CCSER1: variants seen among roughly 807,000 people sequenced by gnomAD.
CCSER1 encodes serine-rich coiled-coil domain-containing protein 1.
In CCSER1, 41 loss-of-function variants were observed where a neutral mutation model predicts 82.0. The observed-to-expected ratio is 0.50, with a 90% CI of 0.39 to 0.65. CCSER1 has a LOEUF of 0.65. Ranked by LOEUF, CCSER1 falls within the 30% of genes least tolerant of loss-of-function variation. The pLI, the probability that CCSER1 is intolerant of heterozygous loss-of-function variation, is 0.00. For missense variants in CCSER1, 1,119 were observed against 1,064.2 expected (o/e 1.05, Z -0.72); for synonymous variants, 414 against 383.9 (o/e 1.08, Z -0.92).
intron 10 of CCSER1, among the ~76,000 whole-genome samples, chr4:91,270,542 C>A (rs1741944381): frequency 6.6e-6 from 1 of 151,996 alleles, no homozygotes; most frequent in Non-Finnish European, 1.5e-5. Context: ...TATTACAGGT[C>A]TAATTTACAG....
intron 7 of CCSER1, among the ~76,000 whole-genome samples, chr4:90,804,885 T>C (rs1039473674): frequency 1.3e-5 from 2 of 152,176 alleles, no homozygotes; most frequent in Admixed American, 6.5e-5. Context: ...TTTATCCGTA[T>C]TTCAGATTCT....
intron 10 of CCSER1, among the ~76,000 whole-genome samples, chr4:91,360,488 A>G (rs540870758): frequency 3.9e-5 from 6 of 151,990 alleles, no homozygotes; most frequent in African/African-American, 1.4e-4. Context: ...GCATCCATTC[A>G]TGTTTAATGA....
intron 10 of CCSER1, among the ~76,000 whole-genome samples, chr4:91,390,653 T>G (rs2149349152): frequency 6.6e-6 from 1 of 152,078 alleles, no homozygotes; most frequent in African/African-American, 2.4e-5. Context: ...TGTAGAGAAT[T>G]TGTATAATTT....
chr4:90,476,601 G>A (rs184659283), intron 5 of CCSER1, among the ~76,000 whole-genome samples: 57 of 151,712 alleles, frequency 3.8e-4, no homozygotes, highest in African/African-American at 1.4e-3. Context: ...CTCATTATTC[G>A]CTGGTTTATA....
intron 10 of CCSER1, among the ~76,000 whole-genome samples, chr4:91,560,830 A>G (rs1762621637): frequency 6.6e-6 from 1 of 151,318 alleles, no homozygotes; most frequent in African/African-American, 2.4e-5. Flanking sequence ...CGTGATACCT[A>G]ATTATAAAGA....
At chr4:90,273,279 T>C (rs1419806066) in intron 1 of CCSER1, among the ~76,000 whole-genome samples, 1 of 152,016 alleles carries the variant, frequency 6.6e-6, no homozygotes, top group African/African-American at 2.4e-5. Flanking sequence ...GTAGAATGAA[T>C]GAATGAGATC....
At chr4:90,602,339 T>C (rs1336466118) in intron 5 of CCSER1, among the ~76,000 whole-genome samples, 6 of 152,318 alleles carry the variant, frequency 3.9e-5, no homozygotes, top group African/African-American at 1.4e-4. Context: ...TCTTTTTATG[T>C]AGTTAATGTT....
chr4:91,586,479 G>A (rs926346886), intron 10 of CCSER1, among the ~76,000 whole-genome samples: 3 of 151,566 alleles, frequency 2.0e-5, no homozygotes, highest in African/African-American at 4.8e-5. Context: ...AAACAGGAGA[G>A]GCACCAGGAG....
rs139037096 is a variant in CCSER1, at chr4:90,470,314, C to T, written c.1724+1960C>T. On this transcript the variant is annotated intron_variant, in intron 5 of 10. Coordinates refer to ENST00000509176, the MANE Select transcript of CCSER1 (RefSeq NM_001145065.2). ...TCTTCAGTTGTAATCTTAATGATGCCATCTATCAAATGGAAATTGTTTATG... is the reference window on the plus strand; with the variant it reads ...TCTTCAGTTGTAATCTTAATGATGCTATCTATCAAATGGAAATTGTTTATG... 6.1e-3 allele frequency among the ~76,000 whole-genome samples: 930 copies of T among 152,042 alleles called. 11 individuals carry two copies. The highest frequency in any genetic ancestry group is 0.022 in the African/African-American group (902 of 41,472).
At chr4:91,379,351 G>A (rs1160473611) in intron 10 of CCSER1, among the ~76,000 whole-genome samples, 1 of 152,122 alleles carries the variant, frequency 6.6e-6, no homozygotes, top group African/African-American at 2.4e-5. Context: ...TGTACCTCTG[G>A]TAGAATTCGG....
chr4:91,416,576 C>T (rs1368454644), intron 10 of CCSER1, among the ~76,000 whole-genome samples: 1 of 152,118 alleles, frequency 6.6e-6, no homozygotes, highest in Non-Finnish European at 1.5e-5. Context: ...TTATCTTCGA[C>T]AAACCTGACA....
chr4:90,816,838 T>A (rs967243728), intron 8 of CCSER1, among the ~76,000 whole-genome samples: 1 of 152,128 alleles, frequency 6.6e-6, no homozygotes, highest in Non-Finnish European at 1.5e-5. Flanking sequence ...TAGTGAGATA[T>A]TGGAGAAATT....
At chr4:90,703,001 T>C (rs1738485844) in intron 6 of CCSER1, among the ~76,000 whole-genome samples, 1 of 152,202 alleles carries the variant, frequency 6.6e-6, no homozygotes, top group African/African-American at 2.4e-5. Flanking sequence ...TAGTTATTTC[T>C]TGCCTTCTGC....
chr4:91,496,615 CACG>C (rs1371324601), intron 10 of CCSER1, among the ~76,000 whole-genome samples: 507 of 12,516 alleles, frequency 0.041, 120 homozygotes, highest in East Asian at 0.4. Flanking sequence ...TATATATATA[CACG>C]AATATATATT....
At chr4:91,087,807 C>T (rs748751140) in intron 10 of CCSER1, among the ~76,000 whole-genome samples, 1 of 152,106 alleles carries the variant, frequency 6.6e-6, no homozygotes, top group African/African-American at 2.4e-5. Flanking sequence ...CTTAGGGCAG[C>T]ACTGGGTTAC....
intron 10 of CCSER1, among the ~76,000 whole-genome samples, chr4:91,151,123 A>C (rs562927204): frequency 1.4e-4 from 22 of 152,092 alleles, no homozygotes; most frequent in Non-Finnish European, 2.1e-4. Context: ...TTGGTAGGCT[A>C]TTAATTATTG....
intron 5 of CCSER1, among the ~76,000 whole-genome samples, chr4:90,472,800 A>G (rs1764569424): frequency 6.6e-6 from 1 of 152,174 alleles, no homozygotes; most frequent in South Asian, 2.1e-4. Context: ...TCACAATAGC[A>G]GAGTCATGAA....
intron 1 of CCSER1, among the ~76,000 whole-genome samples, chr4:90,255,010 C>T (rs979854403): frequency 8.7e-5 from 13 of 150,234 alleles, no homozygotes; most frequent in African/African-American, 2.2e-4. Flanking sequence ...CACACACACA[C>T]GCACACTTTA....
intron 3 of CCSER1, among the ~76,000 whole-genome samples, chr4:90,342,728 C>T (rs1470472390): frequency 6.6e-6 from 1 of 152,088 alleles, no homozygotes; most frequent in Non-Finnish European, 1.5e-5. Flanking sequence ...ATGAAGTTTT[C>T]CATACTCCAG....
Sources: gnomAD v4.1 joint callset for allele counts (sites outside exome capture counted in the v4.1 genomes callset) on GRCh38, gnomAD v4.1.1 for gene constraint, MANE v1.5 for transcripts, NCBI Gene and HGNC (gene_info 2026-07-23, HGNC 2026-07-21) for gene names.